The following ACSL3 variants were observed in gnomAD, a reference collection of about 807,000 sequenced individuals.
ACSL3 encodes the protein fatty acid CoA ligase Acsl3.
ACSL3 carries 34 observed loss-of-function variants against 84.7 expected under a neutral mutation model. That is an observed-to-expected ratio of 0.40 (90% CI 0.31 to 0.53). The LOEUF (loss-of-function observed/expected upper bound fraction) is 0.53. ACSL3 is among the 20% of genes least tolerant of loss of function. The pLI, the probability that ACSL3 is intolerant of heterozygous loss-of-function variation, is 0.48. For missense variants in ACSL3, 680 were observed against 873.1 expected, an observed-to-expected ratio of 0.78 and a Z score of 2.79; for synonymous variants, 315 against 299.4, an observed-to-expected ratio of 1.05 and a Z score of -0.54.
At chr2:222,871,929 T>C (rs1354067691) in intron 1 of ACSL3, among the ~76,000 whole-genome samples, 1 of 152,182 alleles carries the variant, frequency 6.6e-6, no homozygotes, top group Non-Finnish European at 1.5e-5. Context: ...GCTTTATCTG[T>C]GGCATTACTG....
intron 3 of ACSL3, among the ~76,000 whole-genome samples, chr2:222,908,328 G>A (rs1696351114): frequency 6.6e-6 from 1 of 152,214 alleles, no homozygotes; most frequent in African/African-American, 2.4e-5. Context: ...ATTTGGCAGT[G>A]GCTGCTGGGG....
At position 222,919,212 on chromosome 2, in the gene ACSL3, A is replaced by C; in HGVS notation, c.805+10A>C. ...GCCAAGGCCAGCATGGGTATGTTAC[A>C]CTTTTCTAATTCCTTACCTGTGCTT... On this transcript the variant is annotated intron_variant, in intron 7 of 16. Transcript: ENST00000357430. 1 of 1,613,400 alleles carries C rather than the reference A, an allele frequency of 6.2e-7. No individual in the cohort carries two copies. Among genetic ancestry groups the C allele is most frequent in the Non-Finnish European group, 8.5e-7 (1 of 1,179,744 alleles).
intron 7 of ACSL3, 77 bp from the exon 8 acceptor site, chr2:222,921,203 G>C (rs971829918): frequency 2.7e-6 from 4 of 1,458,914 alleles, no homozygotes; most frequent in Admixed American, 1.9e-5. Context: ...TTATTTATTT[G>C]ATGATAATGA....
intron 1 of ACSL3, among the ~76,000 whole-genome samples, chr2:222,863,815 C>T (rs1695070738): frequency 6.6e-6 from 1 of 151,932 alleles, no homozygotes; most frequent in African/African-American, 2.4e-5. Context: ...TGTATGAAGC[C>T]AATTCAAATA....
At chr2:222,892,836 A>G (rs1401702058) in intron 2 of ACSL3, among the ~76,000 whole-genome samples, 1 of 152,166 alleles carries the variant, frequency 6.6e-6, no homozygotes, top group Non-Finnish European at 1.5e-5. Flanking sequence ...TGAGAATTAA[A>G]TGAGATAACA....
intron 3 of ACSL3, among the ~76,000 whole-genome samples, chr2:222,902,034 A>G (rs1696167676): frequency 6.6e-6 from 1 of 151,958 alleles, no homozygotes. Flanking sequence ...CAATACCCAA[A>G]TTTAACATAT....
chr2:222,920,729 C>T (rs1374018839), intron 7 of ACSL3, among the ~76,000 whole-genome samples: 2 of 152,110 alleles, frequency 1.3e-5, no homozygotes, highest in African/African-American at 4.8e-5. Flanking sequence ...GAACGTAATC[C>T]AGAGTTCTTC....
chr2:222,898,321 T>A (rs1233161966), intron 2 of ACSL3, among the ~76,000 whole-genome samples: 2 of 152,212 alleles, frequency 1.3e-5, no homozygotes, highest in Admixed American at 6.5e-5. Context: ...AATAACTCTA[T>A]AAGAATCAAT....
At chr2:222,924,120 T>A (rs1351381165) in intron 10 of ACSL3, among the ~76,000 whole-genome samples, 1 of 152,220 alleles carries the variant, frequency 6.6e-6, no homozygotes, top group Non-Finnish European at 1.5e-5. Flanking sequence ...TGTGAGTAGG[T>A]TTTAGTTCAG....
chr2:222,889,224 A>T (rs773869796), intron 2 of ACSL3, among the ~76,000 whole-genome samples: 1 of 152,196 alleles, frequency 6.6e-6, no homozygotes, highest in Non-Finnish European at 1.5e-5. Flanking sequence ...CAGTGCATTT[A>T]TGTGTGCTCA....
rs948170221 is a variant in ACSL3, at chr2:222,928,720, C to T, written c.1466-142C>T. 5 of 718,548 alleles carry T rather than the reference C, an allele frequency of 7.0e-6. No homozygotes were observed. In the Admixed American group the frequency reaches 9.0e-5, roughly 13 times the overall value. The allele number at this position is 718,548 out of a possible 1,614,324, so 44.5% of individuals were successfully genotyped here. A position where few individuals can be genotyped will look rare whatever the true frequency, so the allele number is the denominator to read the frequency against. On this transcript the variant is annotated intron_variant, in intron 12 of 16. Transcript: ENST00000357430. ...TCTACAGGCCTCACGGCCTGTGCTT[C>T]ACCAATATGTGACTTCTGCTTTTAA...
At chr2:222,866,401 T>C (rs1332798009) in intron 1 of ACSL3, among the ~76,000 whole-genome samples, 1 of 152,178 alleles carries the variant, frequency 6.6e-6, no homozygotes. Flanking sequence ...CGCCTCGCCC[T>C]CCCAAAGTAC....
chr2:222,900,240 C>T (rs1047584380), intron 2 of ACSL3, among the ~76,000 whole-genome samples: 1 of 152,148 alleles, frequency 6.6e-6, no homozygotes, highest in Non-Finnish European at 1.5e-5. Context: ...TGAATACTTG[C>T]TCTGTGGCTC....
intron 15 of ACSL3, 192 bp downstream of exon 15, chr2:222,933,472 C>T (rs568826151): frequency 7.8e-4 from 384 of 492,862 alleles, no homozygotes; most frequent in Non-Finnish European, 1.1e-3. Flanking sequence ...ATCTTTCTCT[C>T]TGTCCCTGTT....
chr2:222,908,482 G>A (rs1351080062), intron 3 of ACSL3, among the ~76,000 whole-genome samples: 1 of 152,134 alleles, frequency 6.6e-6, no homozygotes, highest in Non-Finnish European at 1.5e-5. Flanking sequence ...ACTGGGAAAT[G>A]TTTGTGGATA....
At chr2:222,901,231 G>T (rs1391783911) in intron 3 of ACSL3, among the ~76,000 whole-genome samples, 1 of 152,194 alleles carries the variant, frequency 6.6e-6, no homozygotes, top group Admixed American at 6.5e-5. Flanking sequence ...TGATCAATTT[G>T]AGTTAACTTT....
chr2:222,870,465 T>C (rs1172392402), intron 1 of ACSL3, among the ~76,000 whole-genome samples: 1 of 152,212 alleles, frequency 6.6e-6, no homozygotes, highest in Non-Finnish European at 1.5e-5. Context: ...TATTGAGATG[T>C]ACAATTGTTT....
rs188327847 is a variant in ACSL3, at chr2:222,938,895, G to A, written c.2006-2602G>A. Reference sequence around the variant, plus strand: ...TTTTCTACCTGGTCAAGTTGCTGTCGATCCTCTAGTGAATTTTTCAATCCA... The same window carrying A: ...TTTTCTACCTGGTCAAGTTGCTGTCAATCCTCTAGTGAATTTTTCAATCCA... On this transcript the variant is annotated intron_variant, in intron 16 of 16. Transcript: ENST00000357430. Among the ~76,000 whole-genome samples, 469 of 152,042 alleles carry A rather than the reference G, an allele frequency of 3.1e-3. 2 individuals carry two copies. Among genetic ancestry groups the A allele is most frequent in the African/African-American group, 0.011 (442 of 41,488 alleles).
intron 2 of ACSL3, among the ~76,000 whole-genome samples, chr2:222,899,777 A>G (rs1055226417): frequency 4.6e-5 from 7 of 152,192 alleles, no homozygotes; most frequent in African/African-American, 7.2e-5. Context: ...AATTTTCTTA[A>G]TTACTATATT....
Sources: gnomAD v4.1 joint callset for allele counts (sites outside exome capture counted in the v4.1 genomes callset) on GRCh38, gnomAD v4.1.1 for gene constraint, MANE v1.5 for transcripts, NCBI Gene and HGNC (gene_info 2026-07-23, HGNC 2026-07-21) for gene names.